The following ADAMTS16 variants were observed in gnomAD, a reference collection of about 807,000 sequenced individuals.
ADAMTS16 encodes the protein ADAM metallopeptidase with thrombospondin type 1 motif 16, also known as A disintegrin and metalloproteinase with thrombospondin motifs 16.
In ADAMTS16, 94 loss-of-function variants were observed where a neutral mutation model predicts 145.8. That is an observed-to-expected ratio of 0.64 (90% CI 0.55 to 0.77). ADAMTS16 has a LOEUF of 0.77. Ranked by LOEUF, ADAMTS16 falls within the 30% of genes least tolerant of loss-of-function variation. The pLI is 0.00. For missense variants in ADAMTS16, 1,585 were observed against 1,591.5 expected (o/e 1.00, Z 0.07); for synonymous variants, 659 against 604.3 (o/e 1.09, Z -1.33).
At chr5:5,159,526 G>A (rs919234972) in intron 3 of ADAMTS16, among the ~76,000 whole-genome samples, 2 of 152,118 alleles carry the variant, frequency 1.3e-5, no homozygotes, top group African/African-American at 2.4e-5. Context: ...TTATTGAACT[G>A]TGTAATACAA....
intron 9 of ADAMTS16, among the ~76,000 whole-genome samples, chr5:5,206,154 C>A (rs1056229466): frequency 1.3e-5 from 2 of 151,650 alleles, no homozygotes; most frequent in Admixed American, 1.3e-4. Flanking sequence ...TGGCCGGGCG[C>A]GGTGGCTCAC....
intron 3 of ADAMTS16, among the ~76,000 whole-genome samples, chr5:5,173,855 C>T (rs1366858478): frequency 2.0e-5 from 3 of 152,230 alleles, no homozygotes; most frequent in African/African-American, 7.2e-5. Context: ...TTAACTTTGT[C>T]CTCCAGCATT....
Position 5,243,297 on chromosome 5 carries a change from T to C in ADAMTS16, c.2662+1106T>C, listed in dbSNP as rs1250907672. On this transcript the variant is annotated intron_variant, in intron 17 of 22. Transcript: ENST00000274181. ...ATGAAATACTGTCTTAGGAAAAACA[T>C]GACTACCTTCTGCACAGAAGGATAG... Among the ~76,000 whole-genome samples, 3 of 152,328 alleles carry C rather than the reference T, an allele frequency of 2.0e-5. No homozygotes were observed. The East Asian group carries it at 5.8e-4, about 29-fold the overall frequency.
chr5:5,199,269 A>G (rs1486215524), intron 8 of ADAMTS16, among the ~76,000 whole-genome samples: 1 of 152,122 alleles, frequency 6.6e-6, no homozygotes. Context: ...AGGTGTTATT[A>G]AGGGAGTGTT....
At chr5:5,220,234 A>G (rs989120345) in intron 10 of ADAMTS16, among the ~76,000 whole-genome samples, 11 of 142,076 alleles carry the variant, frequency 7.7e-5, no homozygotes, top group Admixed American at 5.5e-4. Flanking sequence ...ATCTCGGCTC[A>G]CTGCGACCTC....
chr5:5,141,073 T>C (rs2126493578), intron 2 of ADAMTS16, among the ~76,000 whole-genome samples: 1 of 152,340 alleles, frequency 6.6e-6, no homozygotes, highest in South Asian at 2.1e-4. Flanking sequence ...GCTATTAATG[T>C]ATGCATCAAA....
At chr5:5,207,190 ATCTC>A (rs1185001104) in intron 9 of ADAMTS16, among the ~76,000 whole-genome samples, 3 of 152,198 alleles carry the variant, frequency 2.0e-5, no homozygotes, top group Admixed American at 6.5e-5. Context: ...GACATGAAAT[ATCTC>A]TCTATTTAGT....
intron 3 of ADAMTS16, among the ~76,000 whole-genome samples, chr5:5,174,699 C>T (rs1735142416): frequency 1.3e-5 from 2 of 152,170 alleles, no homozygotes; most frequent in South Asian, 4.1e-4. Context: ...CTCATTAACT[C>T]TTTCTTCTGC....
intron 18 of ADAMTS16, among the ~76,000 whole-genome samples, chr5:5,290,954 G>A (rs758079060): frequency 2.0e-5 from 3 of 152,140 alleles, no homozygotes; most frequent in East Asian, 1.9e-4. Flanking sequence ...CTTTCTTTTC[G>A]TTAGGTATAA....
At chr5:5,204,576 A>T (rs974749642) in intron 9 of ADAMTS16, among the ~76,000 whole-genome samples, 3 of 152,222 alleles carry the variant, frequency 2.0e-5, no homozygotes, top group Non-Finnish European at 2.9e-5. Context: ...CAGTTATGAG[A>T]TTCATCCTTG....
At chr5:5,208,876 G>C (rs1308708522) in intron 9 of ADAMTS16, among the ~76,000 whole-genome samples, 6 of 152,126 alleles carry the variant, frequency 3.9e-5, no homozygotes, top group Non-Finnish European at 7.4e-5. Context: ...CCCTGGAACA[G>C]GTACAATGTA....
chr5:5,276,980 T>G lies in ADAMTS16; in HGVS notation c.2789+14197T>G, dbSNP rs559789674. Among the ~76,000 whole-genome samples the G allele has an allele frequency of 4.6e-5, 7 of 152,334 alleles. No homozygotes were observed. The East Asian group carries it at 1.2e-3, about 25-fold the overall frequency. The stretch of plus-strand genomic sequence containing the variant: ...ACCGAGGCCTCGTTTTCGAAAGCAC[T>G]GCACTCTGTTAAAGAAAACATGGCG... On this transcript the variant is annotated intron_variant, in intron 18 of 22. Coordinates refer to ENST00000274181, the MANE Select transcript of ADAMTS16 (RefSeq NM_139056.4).
chr5:5,306,461 A>G, intron 20 of ADAMTS16, 43 bp from the exon 21 acceptor site: 1 of 1,572,364 alleles, frequency 6.4e-7, no homozygotes, highest in Non-Finnish European at 8.7e-7. Flanking sequence ...TTTGCAAAAA[A>G]AGAGATTTTT....
chr5:5,204,165 G>A (rs1454956115), intron 9 of ADAMTS16, among the ~76,000 whole-genome samples: 2 of 152,122 alleles, frequency 1.3e-5, no homozygotes, highest in African/African-American at 4.8e-5. Context: ...AACCTTTTCT[G>A]AGGGCCTCAG....
In ADAMTS16 at chr5:5,177,600, T is replaced by C. The variant is rs374117743; in HGVS notation, c.502-4444T>C. On this transcript the variant is annotated intron_variant, in intron 3 of 22. Coordinates refer to ENST00000274181, the MANE Select transcript of ADAMTS16 (RefSeq NM_139056.4). ...ACAAGAATTACTGTGGCTTTTGGTG[T>C]AGATTCATATTTGGCTCTGAGGTTA... is the stretch of plus-strand genomic sequence containing the variant. Among the ~76,000 whole-genome samples, 118 of 152,324 alleles carry C rather than the reference T, an allele frequency of 7.7e-4. 2 individuals are homozygous for C. In the South Asian group the frequency reaches 0.012, roughly 15 times the overall value.
Position 5,237,090 on chromosome 5 carries a change from G to A in ADAMTS16, c.2145G>A (p.Gly715=). The A allele has an allele frequency of 3.7e-6, 6 of 1,613,190 alleles. No homozygotes were observed. Among genetic ancestry groups the A allele is most frequent in the Non-Finnish European group, 5.1e-6 (6 of 1,179,722 alleles). ...SEDSRNVCID[G]ICERVGCDNV... Reference sequence around the variant, plus strand: ...ATAGCCGTAATGTTTGTATAGATGGGATATGTGAGGTAATCATGATCCTTC... The same window carrying A: ...ATAGCCGTAATGTTTGTATAGATGGAATATGTGAGGTAATCATGATCCTTC... The change falls in exon 14 of 23, where the codon GGG becomes GGA. Residue 715 remains glycine, a synonymous_variant. Transcript: ENST00000274181.
chr5:5,175,111 G>T (rs932875248), intron 3 of ADAMTS16, among the ~76,000 whole-genome samples: 2 of 152,146 alleles, frequency 1.3e-5, no homozygotes, highest in African/African-American at 4.8e-5. Flanking sequence ...AATGTGCTAC[G>T]TCACACATGA....
intron 3 of ADAMTS16, among the ~76,000 whole-genome samples, chr5:5,179,834 T>C (rs1360777333): frequency 6.6e-6 from 1 of 152,200 alleles, no homozygotes; most frequent in African/African-American, 2.4e-5. Flanking sequence ...ATTGATAGTC[T>C]ACCAAGCTTA....
At chr5:5,164,732 AGTGGCAC>A (rs1734822895) in intron 3 of ADAMTS16, among the ~76,000 whole-genome samples, 1 of 152,104 alleles carries the variant, frequency 6.6e-6, no homozygotes, top group Admixed American at 6.5e-5. Context: ...GCTGGAGTGC[AGTGGCAC>A]GATCTCAGCT....
Sources: gnomAD v4.1 joint callset for allele counts (sites outside exome capture counted in the v4.1 genomes callset) on GRCh38, gnomAD v4.1.1 for gene constraint, MANE v1.5 for transcripts, NCBI Gene and HGNC (gene_info 2026-07-23, HGNC 2026-07-21) for gene names.